KIF16B: variants seen among roughly 807,000 people sequenced by gnomAD.
KIF16B encodes kinesin-like protein KIF16B.
KIF16B carries 98 observed loss-of-function variants against 156.3 expected under a neutral mutation model. The observed-to-expected ratio is 0.63, with a 90% CI of 0.53 to 0.74. The LOEUF (loss-of-function observed/expected upper bound fraction) is 0.74. Among genes scored for constraint, KIF16B ranks in the 30% least tolerant of loss-of-function variants. The pLI is 0.00. For synonymous variants in KIF16B, 564 were observed against 583.7 expected (o/e 0.97, Z 0.49); for missense variants, 1,421 against 1,606.5 (o/e 0.88, Z 1.97).
chr20:16,292,744 A>C (rs2063331443), intron 25 of KIF16B, among the ~76,000 whole-genome samples: 1 of 152,206 alleles, frequency 6.6e-6, no homozygotes, highest in Non-Finnish European at 1.5e-5. Context: ...AATTTTAAAC[A>C]CGTCTTTTAG....
intron 1 of KIF16B, 100 bp downstream of exon 1, chr20:16,573,129 G>T: frequency 8.2e-7 from 1 of 1,213,070 alleles, no homozygotes; most frequent in Non-Finnish European, 1.2e-6. Flanking sequence ...GGACCAGCCG[G>T]TGACACTTTT....
At chr20:16,442,975 G>C (rs1022921844) in intron 12 of KIF16B, among the ~76,000 whole-genome samples, 17 of 152,144 alleles carry the variant, frequency 1.1e-4, no homozygotes, top group African/African-American at 4.1e-4. Flanking sequence ...CTAATGAGTA[G>C]GCTCCTTGCT....
intron 1 of KIF16B, among the ~76,000 whole-genome samples, chr20:16,552,263 A>G (rs2070696370): frequency 6.6e-6 from 1 of 152,228 alleles, no homozygotes; most frequent in South Asian, 2.1e-4. Context: ...AGCTTCCTAT[A>G]AGTCATACAG....
intron 21 of KIF16B, 89 bp from the exon 22 acceptor site, chr20:16,370,725 G>A: frequency 1.1e-6 from 1 of 937,666 alleles, no homozygotes; most frequent in Non-Finnish European, 1.6e-6. Flanking sequence ...TTATGGGAAT[G>A]GAAATCTAAA....
intron 12 of KIF16B, among the ~76,000 whole-genome samples, chr20:16,491,400 T>G (rs905045384): frequency 1.3e-5 from 2 of 152,146 alleles, no homozygotes; most frequent in African/African-American, 4.8e-5. Context: ...GAAGGCAGAC[T>G]AAGGGGCAAG....
At chr20:16,466,539 A>C (rs146834130) in intron 12 of KIF16B, among the ~76,000 whole-genome samples, 198 of 152,266 alleles carry the variant, frequency 1.3e-3, no homozygotes, top group African/African-American at 4.6e-3. Context: ...GGTTTTATAA[A>C]GGGGAGTTCC....
chr20:16,507,194 A>G (rs1210391306), intron 7 of KIF16B, among the ~76,000 whole-genome samples: 1 of 152,200 alleles, frequency 6.6e-6, no homozygotes, highest in Non-Finnish European at 1.5e-5. Context: ...ATCTAAAGGA[A>G]AGGTCTAACA....
At chr20:16,484,602 G>A (rs6034500) in intron 12 of KIF16B, among the ~76,000 whole-genome samples, 15,614 of 152,162 alleles carry the variant, frequency 0.1, 1,121 homozygotes, top group African/African-American at 0.21. Context: ...TTAAGAACAA[G>A]GAAGAGCCAA....
At chr20:16,442,420 T>TATAC (rs1491495169) in intron 12 of KIF16B, among the ~76,000 whole-genome samples, 1 of 77,690 alleles carries the variant, frequency 1.3e-5, no homozygotes. Context: ...ACATACATAT[T>TATAC]ATATATATAT....
intron 21 of KIF16B, among the ~76,000 whole-genome samples, chr20:16,371,329 G>A (rs368606793): frequency 1.8e-4 from 27 of 152,272 alleles, no homozygotes; most frequent in African/African-American, 6.5e-4. Flanking sequence ...GCTCACACCT[G>A]TAATCCCAGC....
chr20:16,489,485 C>T (rs998695406), intron 12 of KIF16B, among the ~76,000 whole-genome samples: 3 of 152,008 alleles, frequency 2.0e-5, no homozygotes, highest in Non-Finnish European at 4.4e-5. Flanking sequence ...TTGCTTGAGC[C>T]CAGGAATTCA....
intron 25 of KIF16B, among the ~76,000 whole-genome samples, chr20:16,291,184 A>T (rs2063309692): frequency 6.6e-6 from 1 of 152,164 alleles, no homozygotes; most frequent in Admixed American, 6.5e-5. Flanking sequence ...TAATTCGAAA[A>T]ATTTCATAGG....
chr20:16,512,219 A>T (rs757569584), intron 5 of KIF16B, among the ~76,000 whole-genome samples: 1 of 152,110 alleles, frequency 6.6e-6, no homozygotes, highest in Non-Finnish European at 1.5e-5. Context: ...GGATTATTTC[A>T]TTGAATCTCC....
intron 1 of KIF16B, among the ~76,000 whole-genome samples, chr20:16,538,620 A>G (rs2070071926): frequency 6.6e-6 from 1 of 152,246 alleles, no homozygotes; most frequent in Non-Finnish European, 1.5e-5. Flanking sequence ...AGGAAAGGAA[A>G]AGATTTAAAA....
chr20:16,368,346 G>C, intron 22 of KIF16B: 2 of 989,220 alleles, frequency 2.0e-6, no homozygotes, highest in Non-Finnish European at 2.4e-6. Flanking sequence ...CTGCAGCTTC[G>C]CTCTCGCTGC....
chr20:16,397,993 C>T (rs936583531), intron 17 of KIF16B, among the ~76,000 whole-genome samples: 29 of 152,216 alleles, frequency 1.9e-4, no homozygotes, highest in African/African-American at 6.8e-4. Flanking sequence ...AAGCATAGTG[C>T]CTGCCCTCAA....
chr20:16,417,963 A>G (rs6111106), intron 15 of KIF16B, among the ~76,000 whole-genome samples: 4,651 of 151,036 alleles, frequency 0.031, 162 homozygotes, highest in African/African-American at 0.086. Context: ...AGTGCGGGGG[A>G]AAAAAAAATT....
chr20:16,527,188 A>G (rs573966007), intron 2 of KIF16B, among the ~76,000 whole-genome samples: 4 of 152,232 alleles, frequency 2.6e-5, no homozygotes, highest in Non-Finnish European at 5.9e-5. Flanking sequence ...AAAGAAGCAC[A>G]GTGCAGGCCA....
At chr20:16,377,412 A>AAAATAAATAAATAAAT (rs377190523) in intron 19 of KIF16B, among the ~76,000 whole-genome samples, 2,281 of 151,340 alleles carry the variant, frequency 0.015, 50 homozygotes, top group African/African-American at 0.049. Flanking sequence ...TAAAATACAT[A>AAAATAAATAAATAAAT]AAATAAATAA....
Sources: gnomAD v4.1 joint callset for allele counts (sites outside exome capture counted in the v4.1 genomes callset) on GRCh38, gnomAD v4.1.1 for gene constraint, MANE v1.5 for transcripts, NCBI Gene and HGNC (gene_info 2026-07-23, HGNC 2026-07-21) for gene names.